The following KCNJ6 variants were observed in gnomAD, a reference collection of about 807,000 sequenced individuals.
KCNJ6 encodes potassium inwardly rectifying channel subfamily J member 6.
Under a neutral mutation model 34.2 loss-of-function variants are expected in KCNJ6, and 9 were observed. The observed-to-expected ratio is 0.26, with a 90% CI of 0.16 to 0.46. KCNJ6 has a LOEUF of 0.46. Among genes scored for constraint, KCNJ6 ranks in the 20% least tolerant of loss-of-function variants. The pLI, the probability that KCNJ6 is intolerant of heterozygous loss-of-function variation, is 1.00. For synonymous variants in KCNJ6, 196 were observed against 207.1 expected (o/e 0.95, Z 0.46); for missense variants, 236 against 531.3 (o/e 0.44, Z 5.46).
intron 2 of KCNJ6, among the ~76,000 whole-genome samples, chr21:37,826,142 T>A (rs1205395283): frequency 2.0e-5 from 3 of 152,178 alleles, no homozygotes; most frequent in African/African-American, 4.8e-5. Flanking sequence ...CAAGAAAGGA[T>A]CTCCCCTTTT....
chr21:37,749,348 G>T (rs1019583808), intron 2 of KCNJ6, among the ~76,000 whole-genome samples: 2 of 152,188 alleles, frequency 1.3e-5, no homozygotes, highest in African/African-American at 4.8e-5. Context: ...TAAAGTACGC[G>T]TGGGCAAGGC....
intron 3 of KCNJ6, among the ~76,000 whole-genome samples, chr21:37,656,400 G>A (rs2054464203): frequency 6.6e-6 from 1 of 152,180 alleles, no homozygotes; most frequent in African/African-American, 2.4e-5. Context: ...TCCCTGCTGG[G>A]GCCTTCCCGG....
In KCNJ6 at chr21:37,679,300, T is replaced by C. The variant is rs569444597; in HGVS notation, c.946+34911A>G. On this transcript the variant is annotated intron_variant, in intron 3 of 3. Transcript: ENST00000609713. ...TGTGAGACAATAAGTGTTGGTTGTT[T>C]TCAGCCACTAAGTTTTGGGGTAAAT... Among the ~76,000 whole-genome samples the C allele has an allele frequency of 5.9e-5, 9 of 152,344 alleles. No homozygotes were observed. The South Asian group carries it at 1.7e-3, about 28-fold the overall frequency.
intron 1 of KCNJ6, among the ~76,000 whole-genome samples, chr21:37,864,497 C>T (rs571357680): frequency 6.6e-6 from 1 of 152,232 alleles, no homozygotes; most frequent in East Asian, 1.9e-4. Flanking sequence ...TAATACACCG[C>T]AAAAACAAGT....
At chr21:37,832,325 C>G (rs185888233) in intron 2 of KCNJ6, among the ~76,000 whole-genome samples, 3 of 151,582 alleles carry the variant, frequency 2.0e-5, no homozygotes, top group Admixed American at 2.0e-4. Context: ...TAGCTTTTGT[C>G]CCGGGGGATA....
chr21:37,793,919 G>A (rs771292388), intron 2 of KCNJ6, among the ~76,000 whole-genome samples: 2 of 152,240 alleles, frequency 1.3e-5, no homozygotes, highest in Non-Finnish European at 2.9e-5. Flanking sequence ...ACACAGGCAT[G>A]ATGAAAGTAA....
intron 3 of KCNJ6, among the ~76,000 whole-genome samples, chr21:37,666,591 C>T (rs1787401): frequency 0.58 from 87,616 of 151,922 alleles, 25,529 homozygotes; most frequent in East Asian, 0.84. Flanking sequence ...CTCTGCCTGG[C>T]CACTGTGCAA....
chr21:37,785,772 G>A (rs576817809), intron 2 of KCNJ6, among the ~76,000 whole-genome samples: 1 of 152,294 alleles, frequency 6.6e-6, no homozygotes, highest in South Asian at 2.1e-4. Flanking sequence ...CATTGAAATC[G>A]TCATCCACAA....
intron 1 of KCNJ6, among the ~76,000 whole-genome samples, chr21:37,887,609 A>G (rs2055742241): frequency 1.3e-5 from 2 of 152,180 alleles, no homozygotes; most frequent in African/African-American, 2.4e-5. Flanking sequence ...GTGTAAGAAG[A>G]TAATGAGTGA....
intron 1 of KCNJ6, among the ~76,000 whole-genome samples, chr21:37,858,392 CAAAAA>C (rs60814205): frequency 1.7e-4 from 9 of 54,524 alleles, no homozygotes; most frequent in Admixed American, 3.3e-4. Flanking sequence ...GACTCCGTCT[CAAAAA>C]AAAAAAAAAA....
chr21:37,837,524 T>C (rs1361706656), intron 2 of KCNJ6, among the ~76,000 whole-genome samples: 2 of 152,228 alleles, frequency 1.3e-5, no homozygotes, highest in Admixed American at 6.5e-5. Context: ...TAGCCATTGA[T>C]GTGGCTAGCC....
chr21:37,883,538 CA>C (rs1471400592), intron 1 of KCNJ6, among the ~76,000 whole-genome samples: 4 of 152,212 alleles, frequency 2.6e-5, no homozygotes, highest in Non-Finnish European at 2.9e-5. Flanking sequence ...CCAGGTGGGA[CA>C]TGGCTGTGTT....
chr21:37,616,608 T>TATATATATATATATATATATATAC lies in KCNJ6; in HGVS notation c.*8550_*8551insGTATATATATATATATATATATAT, dbSNP rs1410739814. On this transcript the variant is annotated 3_prime_UTR_variant, in exon 4 of 4. Coordinates refer to ENST00000609713, the MANE Select transcript of KCNJ6 (RefSeq NM_002240.5). The stretch of plus-strand genomic sequence containing the variant: ...AAATGTACATATATATATATATATA[T>TATATATATATATATATATATATAC]ATATATATGGTTAGACTCTGAACAT... The TATATATATATATATATATATATAC allele has an allele frequency of 7.1e-5, 9 of 127,516 alleles. No homozygotes were observed. The highest frequency in any genetic ancestry group is 1.7e-4 in the Admixed American group (2 of 11,632). The allele number at this position is 127,516 out of a possible 1,614,324, so 7.9% of individuals were successfully genotyped here.
At chr21:37,710,473 G>A (rs2054745737) in intron 3 of KCNJ6, among the ~76,000 whole-genome samples, 1 of 152,214 alleles carries the variant, frequency 6.6e-6, no homozygotes, top group Non-Finnish European at 1.5e-5. Flanking sequence ...CTGTTTTTGT[G>A]TAAGTCTGAT....
intron 2 of KCNJ6, among the ~76,000 whole-genome samples, chr21:37,731,184 G>A (rs1226145710): frequency 6.6e-6 from 1 of 151,994 alleles, no homozygotes; most frequent in Non-Finnish European, 1.5e-5. Flanking sequence ...GAAGAATCTT[G>A]CCTCACTCCT....
chr21:37,745,157 A>C (rs950197514), intron 2 of KCNJ6, among the ~76,000 whole-genome samples: 1 of 142,948 alleles, frequency 7.0e-6, no homozygotes. Flanking sequence ...TGGTGGTGCA[A>C]TTAGGGCTCA....
chr21:37,820,470 T>C (rs888093785), intron 2 of KCNJ6, among the ~76,000 whole-genome samples: 1 of 152,196 alleles, frequency 6.6e-6, no homozygotes, highest in African/African-American at 2.4e-5. Context: ...AGATTTACTA[T>C]GGATTTGCTG....
chr21:37,696,404 G>C (rs1417111728), intron 3 of KCNJ6, among the ~76,000 whole-genome samples: 1 of 152,158 alleles, frequency 6.6e-6, no homozygotes, highest in Admixed American at 6.5e-5. Context: ...GCACCACTTT[G>C]TATTCTTGCC....
intron 2 of KCNJ6, among the ~76,000 whole-genome samples, chr21:37,731,100 A>AGTGTGTGTGTGTGTGTGTGT (rs113587330): frequency 5.2e-5 from 7 of 134,674 alleles, no homozygotes; most frequent in African/African-American, 1.8e-4. Flanking sequence ...AGATGAGAGA[A>AGTGTGTGTGTGTGTGTGTGT]GTGTGTGTGT....
Sources: gnomAD v4.1 joint callset for allele counts (sites outside exome capture counted in the v4.1 genomes callset) on GRCh38, gnomAD v4.1.1 for gene constraint, MANE v1.5 for transcripts, NCBI Gene and HGNC (gene_info 2026-07-23, HGNC 2026-07-21) for gene names.